The following HPGDS variants were observed in gnomAD, a reference collection of about 807,000 sequenced individuals.
The protein encoded by HPGDS is hematopoietic prostaglandin D synthase.
Under a neutral mutation model 23.1 loss-of-function variants are expected in HPGDS, and 26 were observed. That is an observed-to-expected ratio of 1.13 (90% CI 0.83 to 1.56). The LOEUF (loss-of-function observed/expected upper bound fraction) is 1.56. HPGDS is among the 40% of genes most tolerant of loss of function. The pLI, the probability that HPGDS is intolerant of heterozygous loss-of-function variation, is 0.00. For synonymous variants in HPGDS, 95 were observed against 77.9 expected (o/e 1.22, Z -1.16); for missense variants, 268 against 236.4 (o/e 1.13, Z -0.88).
intron 2 of HPGDS, among the ~76,000 whole-genome samples, chr4:94,325,293 G>C (rs1228169443): frequency 1.3e-5 from 2 of 152,212 alleles, no homozygotes; most frequent in African/African-American, 2.4e-5. Flanking sequence ...ACCATGCTGG[G>C]AGAACCACTG....
At chr4:94,325,765 T>C (rs1756618641) in intron 2 of HPGDS, among the ~76,000 whole-genome samples, 1 of 152,164 alleles carries the variant, frequency 6.6e-6, no homozygotes, top group South Asian at 2.1e-4. Flanking sequence ...CCACACTGCT[T>C]CAGCTTGCCC....
intron 3 of HPGDS, among the ~76,000 whole-genome samples, chr4:94,311,187 G>A (rs1356434211): frequency 6.6e-6 from 1 of 152,128 alleles, no homozygotes; most frequent in Non-Finnish European, 1.5e-5. Flanking sequence ...AATAGGAGTG[G>A]TGTGAGAGGG....
At chr4:94,310,417 G>T (rs1213744293) in intron 3 of HPGDS, among the ~76,000 whole-genome samples, 1 of 152,096 alleles carries the variant, frequency 6.6e-6, no homozygotes, top group Non-Finnish European at 1.5e-5. Context: ...TTTTTGTCAG[G>T]TTTGTCAAAG....
At chr4:94,306,215 A>G (rs1460880812) in intron 4 of HPGDS, among the ~76,000 whole-genome samples, 1 of 152,092 alleles carries the variant, frequency 6.6e-6, no homozygotes, top group Non-Finnish European at 1.5e-5. Flanking sequence ...CAAACAAGTA[A>G]TCACACACCA....
chr4:94,331,292 T>C (rs1341931841), intron 2 of HPGDS, among the ~76,000 whole-genome samples: 1 of 152,198 alleles, frequency 6.6e-6, no homozygotes, highest in Admixed American at 6.5e-5. Context: ...ATGGATAGAA[T>C]ATCTTCTCTT....
In HPGDS at chr4:94,308,667, A is replaced by G; in HGVS notation, c.303T>C (p.Cys101=). ...IVDTLDDFMS[C]FPWAEKKQDV... ...CTTGCTTTTTCTCTGCCCAAGGAAA[A>G]CATGACATGAAATCATCCAGAGTGT... The change falls in exon 4 of 6, where the codon TGT becomes TGC. Residue 101 remains cysteine, a synonymous_variant. Coordinates refer to ENST00000295256, the MANE Select transcript of HPGDS (RefSeq NM_014485.3). 1 of 1,606,826 alleles carries G rather than the reference A, an allele frequency of 6.2e-7. No individual in the cohort carries two copies. The highest frequency in any genetic ancestry group is 8.5e-7 in the Non-Finnish European group (1 of 1,174,844).
At chr4:94,320,605 G>T (rs1333472586) in intron 2 of HPGDS, among the ~76,000 whole-genome samples, 1 of 151,980 alleles carries the variant, frequency 6.6e-6, no homozygotes, top group East Asian at 1.9e-4. Flanking sequence ...TTTTTGATGG[G>T]GTTGTTTGAT....
intron 3 of HPGDS, among the ~76,000 whole-genome samples, chr4:94,315,244 T>G (rs1249598088): frequency 6.6e-6 from 1 of 152,194 alleles, no homozygotes; most frequent in Non-Finnish European, 1.5e-5. Flanking sequence ...CGCTTCGAGC[T>G]GTAGACTGGA....
intron 4 of HPGDS, among the ~76,000 whole-genome samples, chr4:94,308,213 T>C (rs1756175619): frequency 6.6e-6 from 1 of 152,182 alleles, no homozygotes; most frequent in East Asian, 1.9e-4. Flanking sequence ...AGTACTTACA[T>C]GTGGAATTTT....
rs76377347 is a variant in HPGDS, at chr4:94,333,123, G to A, written c.133+1374C>T. ...TCTAGGTTCTAGCAGAGGGAGTGTC[G>A]TAGCAGGTTTCAAGCACCAGAGAGC... is the stretch of plus-strand genomic sequence containing the variant. On this transcript the variant is annotated intron_variant, in intron 2 of 5. Coordinates refer to ENST00000295256, the MANE Select transcript of HPGDS (RefSeq NM_014485.3). Among the ~76,000 whole-genome samples the A allele has an allele frequency of 1.6e-3, 239 of 152,310 alleles. 1 individual carries two copies. The highest frequency in any genetic ancestry group is 5.3e-3 in the African/African-American group (221 of 41,572).
intron 1 of HPGDS, among the ~76,000 whole-genome samples, chr4:94,338,845 CGA>C (rs1414804566): frequency 6.6e-6 from 1 of 152,020 alleles, no homozygotes; most frequent in East Asian, 1.9e-4. Context: ...ATTTAAACTT[CGA>C]GAGATTCTAC....
chr4:94,302,161 C>A lies in HPGDS; in HGVS notation c.420G>T (p.Trp140Cys), dbSNP rs753678870. Residue 140 changes from tryptophan to cysteine, a missense_variant, in exon 5 of 6, where the codon TGG (tryptophan) becomes TGT (cysteine). Coordinates refer to ENST00000295256, the MANE Select transcript of HPGDS (RefSeq NM_014485.3). Reference protein sequence around the residue: ...DLDTYLGGREWLIGNSVTWAD... With the variant: ...DLDTYLGGRECLIGNSVTWAD... ...ACATACTCACAGAGTTACCAATAAG[C>A]CATTCTCTCCCCCCTAAATATGTGT... The A allele has an allele frequency of 7.5e-6, 12 of 1,608,416 alleles. No individual in the cohort carries two copies. Among genetic ancestry groups the A allele is most frequent in the Admixed American group, 6.7e-5 (4 of 59,940 alleles).
chr4:94,322,058 G>A (rs1045572679), intron 2 of HPGDS, among the ~76,000 whole-genome samples: 2 of 152,072 alleles, frequency 1.3e-5, no homozygotes, highest in Non-Finnish European at 2.9e-5. Context: ...TAAGGTGATG[G>A]ATTACATTTA....
rs971698104 is a variant in HPGDS, at chr4:94,336,198, G to A, written c.-9-1560C>T. Among the ~76,000 whole-genome samples the A allele has an allele frequency of 1.1e-3, 126 of 115,604 alleles. 3 individuals are homozygous for A. The highest frequency in any genetic ancestry group is 5.3e-4 in the Non-Finnish European group (30 of 56,320). The allele number at this position is 115,604 out of a possible 152,430, so 75.8% of individuals were successfully genotyped here. Reference sequence around the variant, plus strand: ...TCCAGACTGGGCAGCAGAGTGAGACGCCGTCTCAAAAAAAAAAAAAAAAGA... The same window carrying A: ...TCCAGACTGGGCAGCAGAGTGAGACACCGTCTCAAAAAAAAAAAAAAAAGA... On this transcript the variant is annotated intron_variant, in intron 1 of 5. Transcript: ENST00000295256.
intron 2 of HPGDS, among the ~76,000 whole-genome samples, chr4:94,325,458 G>A (rs921816281): frequency 1.2e-4 from 19 of 152,268 alleles, no homozygotes; most frequent in South Asian, 6.2e-4. Context: ...CTTCCCAGCC[G>A]CTTTGTTTAC....
chr4:94,299,560 G>C lies in HPGDS; in HGVS notation c.520C>G (p.Leu174Val), dbSNP rs1199491126. The C allele has an allele frequency of 6.2e-7, 1 of 1,614,044 alleles. No individual in the cohort carries two copies. The highest frequency in any genetic ancestry group is 8.5e-7 in the Non-Finnish European group (1 of 1,179,966). The change falls in exon 6 of 6, where the codon CTG becomes GTG. Residue 174 changes from leucine to valine, a missense_variant. Coordinates refer to ENST00000295256, the MANE Select transcript of HPGDS (RefSeq NM_014485.3). ...KPDLLDNHPR[L>V]VTLRKKVQAI... ...TGGACTTTCTTCCGTAAAGTCACCA[G>C]CCTTGGATGGTTGTCTAACAGGTCA...
intron 5 of HPGDS, 23 bp from the exon 6 acceptor site, chr4:94,299,667 T>A (rs189446538): frequency 9.6e-5 from 154 of 1,602,366 alleles, no homozygotes; most frequent in Admixed American, 3.4e-4. Context: ...AAACAAACTT[T>A]TCATTTGAAC....
intron 3 of HPGDS, among the ~76,000 whole-genome samples, chr4:94,311,178 A>G (rs1353442781): frequency 1.3e-5 from 2 of 152,114 alleles, no homozygotes; most frequent in Non-Finnish European, 2.9e-5. Flanking sequence ...ACTGTGTTGA[A>G]TAGGAGTGGT....
intron 3 of HPGDS, among the ~76,000 whole-genome samples, 177 bp downstream of exon 3, chr4:94,317,696 C>T (rs1159130606): frequency 6.6e-6 from 1 of 152,082 alleles, no homozygotes; most frequent in South Asian, 2.1e-4. Context: ...GTCTAATTGT[C>T]CAGGGAACTC....
Sources: gnomAD v4.1 joint callset for allele counts (sites outside exome capture counted in the v4.1 genomes callset) on GRCh38, gnomAD v4.1.1 for gene constraint, MANE v1.5 for transcripts, NCBI Gene and HGNC (gene_info 2026-07-23, HGNC 2026-07-21) for gene names.